The following TENM4 variants were observed in gnomAD, a reference collection of about 807,000 sequenced individuals.
The protein encoded by TENM4 is teneurin transmembrane protein 4.
TENM4 carries 82 observed loss-of-function variants against 243.3 expected under a neutral mutation model. That is an observed-to-expected ratio of 0.34 (90% CI 0.28 to 0.40). The LOEUF is 0.40. TENM4 is among the 10% of genes least tolerant of loss of function. The pLI is 1.00. For missense variants in TENM4, 3,138 were observed against 3,673.3 expected, an observed-to-expected ratio of 0.85 and a Z score of 3.77; for synonymous variants, 1,412 against 1,456.3, an observed-to-expected ratio of 0.97 and a Z score of 0.69.
intron 1 of TENM4, among the ~76,000 whole-genome samples, chr11:79,406,110 C>T (rs1398903140): frequency 6.6e-6 from 1 of 152,028 alleles, no homozygotes; most frequent in Non-Finnish European, 1.5e-5. Context: ...ACAATCTTGA[C>T]CAAAGACAAG....
At chr11:78,723,980 CTTTT>C (rs1260264296) in intron 23 of TENM4, among the ~76,000 whole-genome samples, 1 of 151,870 alleles carries the variant, frequency 6.6e-6, no homozygotes, top group Non-Finnish European at 1.5e-5. Context: ...TACTTTCTTT[CTTTT>C]CTTTTTCTTT....
chr11:78,778,700 C>T, intron 16 of TENM4, 72 bp from the exon 17 acceptor site: 1 of 1,387,596 alleles, frequency 7.2e-7, no homozygotes, highest in Non-Finnish European at 1.0e-6. Context: ...CATAACCATG[C>T]CAGATGCTAC....
intron 2 of TENM4, among the ~76,000 whole-genome samples, chr11:79,292,349 C>A (rs1413965300): frequency 6.6e-6 from 1 of 152,154 alleles, no homozygotes; most frequent in Non-Finnish European, 1.5e-5. Flanking sequence ...GAAACATTTC[C>A]CCACTGTTTT....
intron 4 of TENM4, among the ~76,000 whole-genome samples, chr11:79,120,847 G>C (rs552109227): frequency 2.6e-4 from 39 of 152,134 alleles, no homozygotes; most frequent in Admixed American, 1.8e-3. Context: ...CTTACTATTT[G>C]TTGGGCATTA....
At chr11:78,970,015 G>A (rs1268309698) in intron 6 of TENM4, among the ~76,000 whole-genome samples, 1 of 152,192 alleles carries the variant, frequency 6.6e-6, no homozygotes. Context: ...TTCTTCTCAT[G>A]TGCTAGCCAT....
rs150354077 is a variant in TENM4, at chr11:78,791,575, C to T, written c.2180-4492G>A. ...CCCTGTGTGCAAGCCCCACAGTGGGCACTGGAGATCCCATGGTGATTATGA... is the reference window on the plus strand; with the variant it reads ...CCCTGTGTGCAAGCCCCACAGTGGGTACTGGAGATCCCATGGTGATTATGA... On this transcript the variant is annotated intron_variant, in intron 15 of 33. Coordinates refer to ENST00000278550, the MANE Select transcript of TENM4 (RefSeq NM_001098816.3). Among the ~76,000 whole-genome samples, 1,070 of 152,316 alleles carry T rather than the reference C, an allele frequency of 7.0e-3. 17 individuals carry two copies. Among genetic ancestry groups the T allele is most frequent in the East Asian group, 0.029 (150 of 5,176 alleles).
chr11:79,348,663 G>A (rs991409013), intron 1 of TENM4, among the ~76,000 whole-genome samples: 29 of 152,144 alleles, frequency 1.9e-4, no homozygotes, highest in African/African-American at 7.0e-4. Context: ...CTGCAAGCTG[G>A]GGAGAAGGTC....
chr11:79,005,746 G>A (rs1858464671), intron 6 of TENM4, among the ~76,000 whole-genome samples: 1 of 152,072 alleles, frequency 6.6e-6, no homozygotes, highest in Non-Finnish European at 1.5e-5. Context: ...CCTAGCCAAA[G>A]CAATCAAGAA....
intron 12 of TENM4, among the ~76,000 whole-genome samples, chr11:78,822,607 G>A (rs1390719475): frequency 6.6e-6 from 1 of 152,176 alleles, no homozygotes; most frequent in Non-Finnish European, 1.5e-5. Flanking sequence ...AGGATAAATA[G>A]TTAAGGCATG....
At chr11:79,252,651 C>G (rs1855631820) in intron 2 of TENM4, among the ~76,000 whole-genome samples, 1 of 152,198 alleles carries the variant, frequency 6.6e-6, no homozygotes, top group Non-Finnish European at 1.5e-5. Context: ...CCCTTCTCCT[C>G]GTGCCCTTTG....
chr11:79,018,434 C>T (rs1398125762), intron 6 of TENM4, among the ~76,000 whole-genome samples: 1 of 152,086 alleles, frequency 6.6e-6, no homozygotes, highest in Non-Finnish European at 1.5e-5. Context: ...TCTCCAGAAC[C>T]TCCACTCTCA....
chr11:79,378,897 A>T (rs969101823), intron 1 of TENM4, among the ~76,000 whole-genome samples: 1 of 151,838 alleles, frequency 6.6e-6, no homozygotes, highest in Non-Finnish European at 1.5e-5. Flanking sequence ...AAAAAAAAAA[A>T]AAAAAAAGGA....
At chr11:79,411,891 C>T (rs983911661) in intron 1 of TENM4, among the ~76,000 whole-genome samples, 2 of 152,234 alleles carry the variant, frequency 1.3e-5, no homozygotes, top group Non-Finnish European at 2.9e-5. Flanking sequence ...GGCAGCAATT[C>T]AAACCACTGA....
intron 4 of TENM4, among the ~76,000 whole-genome samples, chr11:79,105,914 A>C (rs201530196): frequency 1.3e-3 from 1 of 792 alleles, no homozygotes; most frequent in Non-Finnish European, 3.5e-3. Context: ...AGGCTTACCT[A>C]AGTAAAACAA....
At chr11:78,829,561 C>T (rs538332823) in intron 12 of TENM4, among the ~76,000 whole-genome samples, 2 of 152,098 alleles carry the variant, frequency 1.3e-5, no homozygotes, top group East Asian at 1.9e-4. Flanking sequence ...CAGGCCAAGT[C>T]GGAGGCTGCA....
intron 6 of TENM4, among the ~76,000 whole-genome samples, chr11:79,032,496 T>C (rs1174988957): frequency 6.6e-6 from 1 of 152,178 alleles, no homozygotes; most frequent in South Asian, 2.1e-4. Context: ...AAAGAGCCTC[T>C]GGTGATATAA....
intron 6 of TENM4, 158 bp downstream of exon 6, chr11:79,064,580 G>A (rs1860190174): frequency 7.1e-6 from 7 of 979,236 alleles, no homozygotes; most frequent in African/African-American, 1.6e-5. Context: ...GGCATTTCAC[G>A]TGACTCTCCA....
intron 20 of TENM4, among the ~76,000 whole-genome samples, chr11:78,737,655 T>C (rs1855831006): frequency 6.6e-6 from 1 of 152,200 alleles, no homozygotes; most frequent in African/African-American, 2.4e-5. Flanking sequence ...TATTCCACTT[T>C]CCTCCTTTTT....
In TENM4 at chr11:79,298,312, G is replaced by C. The variant is rs372412067; in HGVS notation, c.-320-769C>G. Among the ~76,000 whole-genome samples the C allele has an allele frequency of 4.1e-4, 62 of 151,814 alleles. 1 individual carries two copies. The highest frequency in any genetic ancestry group is 3.4e-3 in the Middle Eastern group (1 of 294). On this transcript the variant is annotated intron_variant, in intron 1 of 33. Coordinates refer to ENST00000278550, the MANE Select transcript of TENM4 (RefSeq NM_001098816.3). Reference sequence around the variant, plus strand: ...GGGTGGATCATGAGGTCAGGAGATCGAGACCATCCTGGCTAACAAGGTGAA... The same window carrying C: ...GGGTGGATCATGAGGTCAGGAGATCCAGACCATCCTGGCTAACAAGGTGAA...
Sources: allele counts gnomAD v4.1 joint callset (sites outside exome capture counted in the v4.1 genomes callset), GRCh38; gene constraint gnomAD v4.1.1; transcripts MANE v1.5; gene names NCBI Gene and HGNC (gene_info 2026-07-23, HGNC 2026-07-21).